The following SYNJ1 variants were observed in gnomAD, a reference collection of about 807,000 sequenced individuals.
The protein encoded by SYNJ1 is polyphosphatidylinositol phosphatase SYNJ1.
SYNJ1 carries 78 observed loss-of-function variants against 168.2 expected under a neutral mutation model. The ratio of observed to expected loss-of-function variants is 0.46; its 90% CI spans 0.39 to 0.56. SYNJ1 has a LOEUF of 0.56. SYNJ1 is among the 20% of genes least tolerant of loss of function. SYNJ1 has a pLI of 0.00. For missense variants in SYNJ1, 1,303 were observed against 1,597.6 expected (o/e 0.82, Z 3.14); for synonymous variants, 539 against 548.6 (o/e 0.98, Z 0.24).
chr21:32,719,803 T>C (rs1031240651), intron 2 of SYNJ1, among the ~76,000 whole-genome samples: 1 of 151,466 alleles, frequency 6.6e-6, no homozygotes, highest in Non-Finnish European at 1.5e-5. Flanking sequence ...TGTGGTTACT[T>C]ATGAAGAAAA....
intron 30 of SYNJ1, among the ~76,000 whole-genome samples, 187 bp from the exon 31 acceptor site, chr21:32,639,312 G>C (rs938351499): frequency 2.0e-5 from 3 of 152,120 alleles, no homozygotes; most frequent in African/African-American, 7.2e-5. Context: ...GGAGATGACA[G>C]AAGGAAAAAG....
intron 32 of SYNJ1, 147 bp from the exon 33 acceptor site, chr21:32,631,948 T>A: frequency 4.4e-6 from 3 of 682,848 alleles, no homozygotes; most frequent in East Asian, 2.8e-5. Flanking sequence ...GTTACTCCGG[T>A]GGTTTAAATA....
At chr21:32,712,155 C>T (rs2042852457) in intron 2 of SYNJ1, among the ~76,000 whole-genome samples, 1 of 152,154 alleles carries the variant, frequency 6.6e-6, no homozygotes, top group African/African-American at 2.4e-5. Context: ...AGGTCAATAA[C>T]AATGTAAAAA....
At chr21:32,671,523 T>C (rs541860785) in intron 14 of SYNJ1, among the ~76,000 whole-genome samples, 1 of 152,324 alleles carries the variant, frequency 6.6e-6, no homozygotes, top group Non-Finnish European at 1.5e-5. Flanking sequence ...ATACACACTC[T>C]AAAGCCAAAC....
intron 3 of SYNJ1, among the ~76,000 whole-genome samples, chr21:32,700,399 A>C (rs2042356480): frequency 6.6e-6 from 1 of 152,240 alleles, no homozygotes; most frequent in Non-Finnish European, 1.5e-5. Flanking sequence ...TCACGCCTGT[A>C]ATCCCAGCAC....
chr21:32,708,517 C>T (rs911970933), intron 2 of SYNJ1, among the ~76,000 whole-genome samples: 21 of 152,166 alleles, frequency 1.4e-4, no homozygotes, highest in Admixed American at 9.8e-4. Context: ...AAGAGAATTG[C>T]TTTCGGAGTG....
rs1189092449 is a variant in SYNJ1, at chr21:32,727,942, T to A, written c.-23+4A>T. ...AGCTCCCCGCCCCCCGCCGGCTTGCTCACCTCTTCCTCCGGCTCCTCCTCC... is the reference window on the plus strand; with the variant it reads ...AGCTCCCCGCCCCCCGCCGGCTTGCACACCTCTTCCTCCGGCTCCTCCTCC... On this transcript the variant is annotated splice_donor_region_variant and intron_variant, in intron 1 of 32. Transcript: ENST00000674351. 2 of 1,532,520 alleles carry A rather than the reference T, an allele frequency of 1.3e-6. No homozygotes were observed. Among genetic ancestry groups the A allele is most frequent in the African/African-American group, 2.8e-5 (2 of 72,406 alleles). The allele number at this position is 1,532,520 out of a possible 1,614,324, so 94.9% of individuals were successfully genotyped here.
chr21:32,634,755 TG>T, intron 32 of SYNJ1, 105 bp downstream of exon 32: 1 of 1,158,122 alleles, frequency 8.6e-7, no homozygotes, highest in Non-Finnish European at 1.2e-6. Flanking sequence ...TGGAGACAGG[TG>T]GTTTTAAAAA....
chr21:32,726,636 A>G, intron 2 of SYNJ1, 136 bp downstream of exon 2: 1 of 1,155,840 alleles, frequency 8.7e-7, no homozygotes, highest in Non-Finnish European at 1.2e-6. Context: ...TTTGATTAAA[A>G]GGAAATACAA....
chr21:32,646,747 CA>C, intron 23 of SYNJ1, 145 bp from the exon 24 acceptor site: 1 of 633,802 alleles, frequency 1.6e-6, no homozygotes, highest in Non-Finnish European at 2.8e-6. Context: ...AGCATGAAGG[CA>C]TGTATAAAAC....
intron 6 of SYNJ1, among the ~76,000 whole-genome samples, chr21:32,693,245 G>A (rs968965454): frequency 1.3e-5 from 2 of 152,134 alleles, no homozygotes; most frequent in African/African-American, 2.4e-5. Flanking sequence ...TCATGAAAGC[G>A]TAGGAGAAGT....
At chr21:32,670,426 A>G in intron 14 of SYNJ1, 54 bp from the exon 15 acceptor site, 1 of 1,336,448 alleles carries the variant, frequency 7.5e-7, no homozygotes, top group Non-Finnish European at 1.1e-6. Context: ...GCAAATAGCA[A>G]CCCCATCCAA....
chr21:32,699,756 C>G (rs2042333186), intron 4 of SYNJ1, 82 bp downstream of exon 4: 1 of 1,503,526 alleles, frequency 6.7e-7, no homozygotes, highest in African/African-American at 1.4e-5. Flanking sequence ...TTCTTGCTGT[C>G]ACGGTGAGGA....
intron 7 of SYNJ1, among the ~76,000 whole-genome samples, chr21:32,687,747 T>C (rs923901949): frequency 6.6e-6 from 1 of 152,162 alleles, no homozygotes; most frequent in Non-Finnish European, 1.5e-5. Flanking sequence ...AGTCCACTTA[T>C]ATATGGATTT....
At chr21:32,637,365 C>T (rs1601222733) in intron 31 of SYNJ1, among the ~76,000 whole-genome samples, 1 of 150,820 alleles carries the variant, frequency 6.6e-6, no homozygotes, top group East Asian at 1.9e-4. Flanking sequence ...AAGAGTTCTA[C>T]CATTATTATA....
chr21:32,690,851 G>C (rs533194961), intron 6 of SYNJ1, among the ~76,000 whole-genome samples: 1 of 152,338 alleles, frequency 6.6e-6, no homozygotes, highest in South Asian at 2.1e-4. Flanking sequence ...GAAGCCGGGA[G>C]GCGGAGGTTG....
chr21:32,646,337 A>C (rs1012238647), intron 24 of SYNJ1, 56 bp downstream of exon 24: 8 of 1,547,994 alleles, frequency 5.2e-6, no homozygotes, highest in Non-Finnish European at 7.1e-6. Flanking sequence ...TGACTCTCCA[A>C]CATCAAGCAC....
intron 12 of SYNJ1, among the ~76,000 whole-genome samples, chr21:32,678,230 C>T (rs958590961): frequency 6.6e-6 from 1 of 152,072 alleles, no homozygotes; most frequent in Non-Finnish European, 1.5e-5. Context: ...GACCAAGTTA[C>T]AGAAACTTTT....
At chr21:32,699,018 T>G (rs1338149044) in intron 4 of SYNJ1, among the ~76,000 whole-genome samples, 1 of 134,648 alleles carries the variant, frequency 7.4e-6, no homozygotes, top group African/African-American at 2.8e-5. Flanking sequence ...GCACAGGGGT[T>G]TTATGTCACA....
Sources: allele counts gnomAD v4.1 joint callset (sites outside exome capture counted in the v4.1 genomes callset), GRCh38; gene constraint gnomAD v4.1.1; transcripts MANE v1.5; gene names NCBI Gene and HGNC (gene_info 2026-07-23, HGNC 2026-07-21).